Variants in SLC6A2 observed in about 807,000 individuals in gnomAD.
SLC6A2 encodes sodium-dependent noradrenaline transporter.
Under a neutral mutation model 71.7 loss-of-function variants are expected in SLC6A2, and 26 were observed. The ratio of observed to expected loss-of-function variants is 0.36; its 90% confidence interval spans 0.27 to 0.50. The LOEUF is 0.50. SLC6A2 is among the 20% of genes least tolerant of loss of function. The pLI is 0.96. For synonymous variants in SLC6A2, 363 were observed against 337.9 expected (o/e 1.07, Z -0.82); for missense variants, 581 against 803.9 (o/e 0.72, Z 3.35).
chr16:55,665,764 G>A (rs771472254), intron 2 of SLC6A2, among the ~76,000 whole-genome samples: 4 of 152,162 alleles, frequency 2.6e-5, no homozygotes, highest in African/African-American at 4.8e-5. Context: ...TAATGACCCC[G>A]GGCTTCCCTT....
At chr16:55,678,029 C>T (rs1377235487) in intron 4 of SLC6A2, among the ~76,000 whole-genome samples, 1 of 152,170 alleles carries the variant, frequency 6.6e-6, no homozygotes, top group Non-Finnish European at 1.5e-5. Flanking sequence ...CTTAACCTTC[C>T]CTCCACTATC....
At chr16:55,686,935 G>A (rs1388844683) in intron 5 of SLC6A2, among the ~76,000 whole-genome samples, 1 of 152,182 alleles carries the variant, frequency 6.6e-6, no homozygotes, top group African/African-American at 2.4e-5. Context: ...ACTTCATTAA[G>A]TATTCTTTTG....
chr16:55,659,441 T>A (rs1405778041), intron 2 of SLC6A2, among the ~76,000 whole-genome samples: 1 of 152,134 alleles, frequency 6.6e-6, no homozygotes, highest in Non-Finnish European at 1.5e-5. Context: ...CGAGTTCCAG[T>A]CTTTAGGTGA....
At chr16:55,665,043 C>T (rs570364746) in intron 2 of SLC6A2, among the ~76,000 whole-genome samples, 50 of 152,188 alleles carry the variant, frequency 3.3e-4, no homozygotes, top group African/African-American at 1.0e-3. Context: ...GTCTGCAAGG[C>T]GGGTGGACAT....
Position 55,671,932 on chromosome 16 carries a change from G to C in SLC6A2, c.407-6G>C. 6 of 1,614,066 alleles carry C rather than the reference G, an allele frequency of 3.7e-6. No individual in the cohort carries two copies. The highest frequency in any genetic ancestry group is 5.1e-6 in the Non-Finnish European group (6 of 1,179,984). ...GACTCCTACCTTACCCCCTGTCCCT[G>C]CCCAGGCGTTGGCTATGCTGTCATC... On this transcript the variant is annotated splice_polypyrimidine_tract_variant and splice_region_variant and intron_variant, in intron 3 of 14. Transcript: ENST00000568943.
chr16:55,669,524 C>T, intron 2 of SLC6A2, 41 bp from the exon 3 acceptor site: 1 of 1,611,976 alleles, frequency 6.2e-7, no homozygotes. Context: ...CTGGGAGGGG[C>T]AGGGGTCTGT....
At chr16:55,695,032 G>A (rs753903622) in intron 7 of SLC6A2, among the ~76,000 whole-genome samples, 3 of 152,178 alleles carry the variant, frequency 2.0e-5, no homozygotes, top group Non-Finnish European at 4.4e-5. Context: ...TTTGTTGAAG[G>A]AAGCTGGTGA....
chr16:55,697,791 C>A, intron 9 of SLC6A2, 106 bp from the exon 10 acceptor site: 2 of 1,209,102 alleles, frequency 1.7e-6, no homozygotes, highest in East Asian at 2.5e-5. Flanking sequence ...GGCAAGGCAG[C>A]CTACATGAGT....
intron 4 of SLC6A2, among the ~76,000 whole-genome samples, chr16:55,674,961 T>C (rs1309800636): frequency 6.6e-6 from 1 of 152,180 alleles, no homozygotes; most frequent in Non-Finnish European, 1.5e-5. Context: ...TAATTTACAT[T>C]CCCACCAACA....
chr16:55,682,985 C>G (rs532367665), intron 4 of SLC6A2, among the ~76,000 whole-genome samples: 2 of 152,170 alleles, frequency 1.3e-5, no homozygotes, highest in South Asian at 4.1e-4. Context: ...TGTGTGTGTC[C>G]GAGGCCCAGA....
chr16:55,689,690 G>A (rs1326176782), intron 5 of SLC6A2, among the ~76,000 whole-genome samples: 1 of 152,210 alleles, frequency 6.6e-6, no homozygotes, highest in Non-Finnish European at 1.5e-5. Context: ...CAGATCAGGA[G>A]ACTGAATACA....
Position 55,706,192 on chromosome 16 carries a change from A to G in SLC6A2, c.*3846A>G, listed in dbSNP as rs146419634. 3 of 152,338 alleles carry G rather than the reference A, an allele frequency of 2.0e-5. No individual in the cohort carries two copies. The highest frequency in any genetic ancestry group is 4.8e-5 in the African/African-American group (2 of 41,582). The allele number at this position is 152,338 out of a possible 1,614,324, so 9.4% of individuals were successfully genotyped here. ...ATAAATAATGTTTCCTGGGCTGTGT[A>G]TCTGGTAGCAGAGTTCTGAATGCTT... On this transcript the variant is annotated 3_prime_UTR_variant, in exon 15 of 15. Coordinates refer to ENST00000568943, the MANE Select transcript of SLC6A2 (RefSeq NM_001172501.3).
intron 4 of SLC6A2, among the ~76,000 whole-genome samples, chr16:55,675,862 G>A (rs1367312350): frequency 6.6e-6 from 1 of 152,120 alleles, no homozygotes; most frequent in African/African-American, 2.4e-5. Context: ...CAGAACCTGG[G>A]AATGAGTCCA....
chr16:55,660,252 A>G (rs1217526288), intron 2 of SLC6A2, among the ~76,000 whole-genome samples: 2 of 152,016 alleles, frequency 1.3e-5, no homozygotes, highest in African/African-American at 4.8e-5. Flanking sequence ...AAGCCAGGAG[A>G]GATAAGGGTG....
At position 55,703,365 on chromosome 16, in the gene SLC6A2, G is replaced by T. The variant is rs1346627063; in HGVS notation, c.*1019G>T. 3.0e-6 allele frequency: 3 copies of T among 985,316 alleles called. No homozygotes were observed. Among genetic ancestry groups the T allele is most frequent in the Non-Finnish European group, 3.6e-6 (3 of 829,950 alleles). The allele number at this position is 985,316 out of a possible 1,614,324, so 61.0% of individuals were successfully genotyped here. The stretch of plus-strand genomic sequence containing the variant: ...GCACACCTGCACAGCCTCCCTCTGG[G>T]GATCCCACCTGGAGTGGACCAGGGG... On this transcript the variant is annotated 3_prime_UTR_variant, in exon 15 of 15. Transcript: ENST00000568943.
intron 2 of SLC6A2, among the ~76,000 whole-genome samples, chr16:55,666,856 G>A (rs902083705): frequency 7.9e-5 from 12 of 152,262 alleles, no homozygotes; most frequent in Admixed American, 5.9e-4. Flanking sequence ...GTATTGAGTC[G>A]CTGGGGGCAA....
At chr16:55,685,884 A>G (rs1965436110) in intron 5 of SLC6A2, among the ~76,000 whole-genome samples, 2 of 152,182 alleles carry the variant, frequency 1.3e-5, no homozygotes, top group South Asian at 4.2e-4. Context: ...AACTTGGGTG[A>G]CACTGTCCTC....
At chr16:55,660,288 A>G (rs1204304328) in intron 2 of SLC6A2, among the ~76,000 whole-genome samples, 1 of 152,200 alleles carries the variant, frequency 6.6e-6, no homozygotes, top group Non-Finnish European at 1.5e-5. Flanking sequence ...GCCAGGCTGC[A>G]GAGGCCTTGA....
At chr16:55,657,770 A>G (rs578116692) in intron 2 of SLC6A2, among the ~76,000 whole-genome samples, 8 of 152,108 alleles carry the variant, frequency 5.3e-5, no homozygotes, top group East Asian at 3.9e-4. Context: ...GGATGGTCCA[A>G]CTGGCCACCT....
Sources: allele counts gnomAD v4.1 joint callset (sites outside exome capture counted in the v4.1 genomes callset), GRCh38; gene constraint gnomAD v4.1.1; transcripts MANE v1.5; gene names NCBI Gene and HGNC (gene_info 2026-07-23, HGNC 2026-07-21).